ZNF536: variants seen among roughly 807,000 people sequenced by gnomAD.
ZNF536 encodes zinc finger protein 536.
A neutral mutation model predicts 84.5 loss-of-function variants in ZNF536; 13 were observed. The observed-to-expected ratio is 0.15, with a 90% confidence interval of 0.10 to 0.24. The LOEUF (loss-of-function observed/expected upper bound fraction) is 0.24, where lower values mean the gene tolerates loss of function less well. ZNF536 is among the 10% of genes least tolerant of loss of function. ZNF536 has a pLI of 1.00. For synonymous variants in ZNF536, 811 were observed against 742.5 expected, an observed-to-expected ratio of 1.09 and a Z score of -1.50; for missense variants, 1,536 against 1,747.5, an observed-to-expected ratio of 0.88 and a Z score of 2.16.
At chr19:30,612,392 CT>C (rs2048133452) in intron 1 of ZNF536, among the ~76,000 whole-genome samples, 1 of 152,150 alleles carries the variant, frequency 6.6e-6, no homozygotes, top group Non-Finnish European at 1.5e-5. Flanking sequence ...ACTTGCCTGA[CT>C]TTGCGGGACC....
intron 1 of ZNF536, among the ~76,000 whole-genome samples, chr19:30,385,328 A>C (rs1218475129): frequency 6.6e-6 from 1 of 152,094 alleles, no homozygotes; most frequent in Non-Finnish European, 1.5e-5. Context: ...TGGTGGCTGA[A>C]GCGGGACCAG....
intron 1 of ZNF536, among the ~76,000 whole-genome samples, chr19:30,393,614 A>C (rs1351408460): frequency 6.6e-6 from 1 of 152,164 alleles, no homozygotes; most frequent in Non-Finnish European, 1.5e-5. Context: ...ATTCTCAGGC[A>C]GGGGTTACAT....
rs117264957 is a variant in ZNF536 at position 30,671,115 on chromosome 19, A to G, written c.170-39642A>G. 5.5e-3 allele frequency among the ~76,000 whole-genome samples: 834 copies of G among 152,356 alleles called. 4 individuals are homozygous for G. The highest frequency in any genetic ancestry group is 8.9e-3 in the Non-Finnish European group (606 of 68,034). Reference sequence around the variant, plus strand: ...CACAAGCCCTAGAGGAACAAGGATGAATGCATCATTATCCTATCTGCCAGA... The same window carrying G: ...CACAAGCCCTAGAGGAACAAGGATGGATGCATCATTATCCTATCTGCCAGA... On this transcript the variant is annotated intron_variant, in intron 1 of 1. Transcript: ENST00000592773.
At chr19:30,708,755 C>A (rs924246678) in intron 1 of ZNF536, among the ~76,000 whole-genome samples, 1 of 152,196 alleles carries the variant, frequency 6.6e-6, no homozygotes, top group African/African-American at 2.4e-5. Flanking sequence ...GAATTTAGCA[C>A]TGGGTGCAAT....
intron 1 of ZNF536, among the ~76,000 whole-genome samples, chr19:30,277,854 G>A (rs1412792313): frequency 6.6e-6 from 1 of 152,192 alleles, no homozygotes; most frequent in African/African-American, 2.4e-5. Flanking sequence ...ACCTGCTCTG[G>A]CAGAAGTTAG....
chr19:30,422,631 A>G (rs538204196), intron 1 of ZNF536, among the ~76,000 whole-genome samples: 148 of 152,244 alleles, frequency 9.7e-4, no homozygotes, highest in Non-Finnish European at 1.8e-3. Flanking sequence ...CATAACACCT[A>G]GCACATAGAA....
At chr19:30,502,537 C>T (rs11666230) in intron 2 of ZNF536, among the ~76,000 whole-genome samples, 14,552 of 152,104 alleles carry the variant, frequency 0.096, 955 homozygotes, top group Non-Finnish European at 0.15. Flanking sequence ...GGGGAGCAGC[C>T]AGGGGGCTAA....
upstream of ZNF536, among the ~76,000 whole-genome samples, chr19:30,370,574 CT>C: frequency 6.6e-6 from 1 of 152,252 alleles, no homozygotes; most frequent in African/African-American, 2.4e-5. Flanking sequence ...GGGAAAAAAA[CT>C]AATTTAAACA....
At chr19:30,606,222 A>T (rs1463988739) in intron 1 of ZNF536, among the ~76,000 whole-genome samples, 1 of 138,052 alleles carries the variant, frequency 7.2e-6, no homozygotes, top group African/African-American at 2.7e-5. Context: ...TAAAATATAA[A>T]ATAAAATAAT....
chr19:30,324,334 G>T (rs910316549), intron 2 of ZNF536, among the ~76,000 whole-genome samples: 3 of 151,812 alleles, frequency 2.0e-5, no homozygotes, highest in Admixed American at 6.6e-5. Flanking sequence ...ATTGTGTTTT[G>T]GGAATCTGCA....
intron 1 of ZNF536, among the ~76,000 whole-genome samples, chr19:30,398,552 C>T (rs747275568): frequency 1.3e-5 from 2 of 152,106 alleles, no homozygotes; most frequent in Non-Finnish European, 2.9e-5. Context: ...CTCGCAATCC[C>T]GGACAGGCCC....
At chr19:30,532,379 C>T (rs1323687483) in intron 2 of ZNF536, among the ~76,000 whole-genome samples, 1 of 152,104 alleles carries the variant, frequency 6.6e-6, no homozygotes, top group African/African-American at 2.4e-5. Context: ...GATCCACCCG[C>T]CTCAGCCTCC....
intron 1 of ZNF536, among the ~76,000 whole-genome samples, chr19:30,414,028 G>A (rs1454229784): frequency 7.1e-6 from 1 of 140,754 alleles, no homozygotes; most frequent in Non-Finnish European, 1.5e-5. Flanking sequence ...GGGAGGTGGA[G>A]GTTGCAGTGA....
chr19:30,392,042 A>G (rs945343907), intron 1 of ZNF536, among the ~76,000 whole-genome samples: 2 of 152,138 alleles, frequency 1.3e-5, no homozygotes, highest in Non-Finnish European at 2.9e-5. Flanking sequence ...CATGGATTCT[A>G]GGTTGCGGTT....
intron 3 of ZNF536, among the ~76,000 whole-genome samples, chr19:30,367,232 G>T (rs762786563): frequency 1.1e-4 from 17 of 152,194 alleles, no homozygotes; most frequent in Non-Finnish European, 1.9e-4. Flanking sequence ...CCCTTGCAGG[G>T]TTGGAGGGTG....
At chr19:30,656,455 C>T (rs924224437) in intron 1 of ZNF536, among the ~76,000 whole-genome samples, 1 of 152,222 alleles carries the variant, frequency 6.6e-6, no homozygotes, top group African/African-American at 2.4e-5. Flanking sequence ...TGCACCATCT[C>T]TACCCTGCTG....
In ZNF536 at chr19:30,396,094, C is replaced by T. The variant is rs576665189; in HGVS notation, c.-3+23538C>T. ...ATTGCAGTATCATACAGAATCTTCTCCCTGCCCTAAAACTCCTCTCTGCTC... is the reference window on the plus strand; with the variant it reads ...ATTGCAGTATCATACAGAATCTTCTTCCTGCCCTAAAACTCCTCTCTGCTC... On this transcript the variant is annotated intron_variant, in intron 1 of 4. Coordinates refer to ENST00000355537, the MANE Select transcript of ZNF536 (RefSeq NM_014717.3). Among the ~76,000 whole-genome samples the T allele has an allele frequency of 9.9e-5, 15 of 152,282 alleles. No homozygotes were observed. In the South Asian group the frequency reaches 2.7e-3, roughly 27 times the overall value.
In ZNF536 at chr19:30,241,501, C is replaced by T. The variant is rs139560322; in HGVS notation, c.-190+12828C>T. 4.4e-4 allele frequency among the ~76,000 whole-genome samples: 67 copies of T among 152,244 alleles called. No individual in the cohort carries two copies. The East Asian group carries it at 4.8e-3, about 11-fold the overall frequency. Reference sequence around the variant, plus strand: ...AGCTGGCATCTGCGCCTGGACTTGGCGGTGGATACCAGGATGAGAGCACTC... The same window carrying T: ...AGCTGGCATCTGCGCCTGGACTTGGTGGTGGATACCAGGATGAGAGCACTC... On this transcript the variant is annotated intron_variant, in intron 1 of 5. Coordinates refer to the ZNF536 transcript ENST00000585628.
chr19:30,367,301 T>C (rs2048467408), intron 3 of ZNF536, among the ~76,000 whole-genome samples: 1 of 152,204 alleles, frequency 6.6e-6, no homozygotes, highest in Non-Finnish European at 1.5e-5. Flanking sequence ...ATTTTAATCT[T>C]GAGTGCCAGG....
Sources: allele counts gnomAD v4.1 joint callset (sites outside exome capture counted in the v4.1 genomes callset), GRCh38; gene constraint gnomAD v4.1.1; transcripts MANE v1.5; gene names NCBI Gene and HGNC (gene_info 2026-07-23, HGNC 2026-07-21).